SEMA5B: variants seen among roughly 807,000 people sequenced by gnomAD.
SEMA5B encodes the protein semaphorin-5B.
Under a neutral mutation model 135.0 loss-of-function variants are expected in SEMA5B, and 66 were observed. That is an observed-to-expected ratio of 0.49 (90% confidence interval 0.40 to 0.60). The LOEUF (loss-of-function observed/expected upper bound fraction) is 0.60. Among genes scored for constraint, SEMA5B ranks in the 20% least tolerant of loss-of-function variants. The probability of loss-of-function intolerance (pLI) is 0.00; values close to 1 mark genes in which losing one functional copy is unlikely to be tolerated. For missense variants in SEMA5B, 1,501 were observed against 1,566.3 expected (o/e 0.96, Z 0.70); for synonymous variants, 690 against 639.5 (o/e 1.08, Z -1.19).
chr3:122,914,066 G>A lies in SEMA5B; in HGVS notation c.1989-65C>T, dbSNP rs1292308730. 7 of 1,470,420 alleles carry A rather than the reference G, an allele frequency of 4.8e-6. No individual in the cohort carries two copies. The South Asian group carries it at 7.0e-5, about 15-fold the overall frequency. 91.1% of individuals were successfully genotyped at this position (1,470,420 alleles called of 1,614,324 possible). On this transcript the variant is annotated intron_variant, in intron 14 of 22. Transcript: ENST00000357599. ...AGCCCTAGCTTCTTAGATCTAGTCT[G>A]TCTCTGGGCCGATGTATTTTCTACT...
At chr3:122,962,390 C>G (rs1416821967) in intron 1 of SEMA5B, among the ~76,000 whole-genome samples, 2 of 152,122 alleles carry the variant, frequency 1.3e-5, no homozygotes, top group African/African-American at 2.4e-5. Flanking sequence ...TCGGGAAGCC[C>G]GACATGCAGG....
chr3:123,015,457 G>A (rs1942535460), intron 1 of SEMA5B, among the ~76,000 whole-genome samples: 1 of 152,180 alleles, frequency 6.6e-6, no homozygotes, highest in Admixed American at 6.5e-5. Flanking sequence ...CACCTGGAGG[G>A]CCATCTTTGG....
At chr3:122,935,312 G>A (rs1939206939) in intron 5 of SEMA5B, among the ~76,000 whole-genome samples, 1 of 152,136 alleles carries the variant, frequency 6.6e-6, no homozygotes, top group Non-Finnish European at 1.5e-5. Context: ...CTGGAAGTGG[G>A]GCTGGGGGAG....
At chr3:122,974,932 A>C (rs547188994) in intron 1 of SEMA5B, among the ~76,000 whole-genome samples, 7 of 152,154 alleles carry the variant, frequency 4.6e-5, no homozygotes, top group African/African-American at 1.7e-4. Context: ...CCCCACCCCC[A>C]GCTCTCCTTT....
chr3:123,013,473 T>C (rs1942483567), intron 1 of SEMA5B, among the ~76,000 whole-genome samples: 1 of 152,200 alleles, frequency 6.6e-6, no homozygotes, highest in African/African-American at 2.4e-5. Context: ...TCAATTCCCA[T>C]GACAACCTTC....
chr3:122,972,041 G>A (rs921253746), intron 1 of SEMA5B, among the ~76,000 whole-genome samples: 3 of 152,318 alleles, frequency 2.0e-5, no homozygotes, highest in East Asian at 1.9e-4. Flanking sequence ...TCCGCTGATC[G>A]ATCCACCATG....
chr3:123,024,428 AC>A (rs1441153661), intron 1 of SEMA5B, among the ~76,000 whole-genome samples: 1 of 152,234 alleles, frequency 6.6e-6, no homozygotes, highest in Non-Finnish European at 1.5e-5. Context: ...ATTAGATGAA[AC>A]AAAAAGTTAT....
chr3:122,930,097 C>T (rs945300453), intron 5 of SEMA5B, among the ~76,000 whole-genome samples: 3 of 152,208 alleles, frequency 2.0e-5, no homozygotes, highest in African/African-American at 7.2e-5. Flanking sequence ...AAAGAGCCCA[C>T]CTGCTTTTAA....
At chr3:122,932,985 G>T (rs1413474192) in intron 5 of SEMA5B, among the ~76,000 whole-genome samples, 1 of 152,126 alleles carries the variant, frequency 6.6e-6, no homozygotes, top group Non-Finnish European at 1.5e-5. Flanking sequence ...CTCCCAAAGT[G>T]CTGGGATTCT....
chr3:122,919,248 C>T (rs1938233958), intron 12 of SEMA5B, among the ~76,000 whole-genome samples: 1 of 152,054 alleles, frequency 6.6e-6, no homozygotes. Context: ...CAGGGGAGAT[C>T]TGTGAATGAG....
chr3:122,989,413 C>A (rs1941803270), intron 1 of SEMA5B, among the ~76,000 whole-genome samples: 1 of 152,184 alleles, frequency 6.6e-6, no homozygotes, highest in Non-Finnish European at 1.5e-5. Flanking sequence ...TGGCTCTGAA[C>A]CTTCCCCTCA....
In SEMA5B at chr3:122,955,947, A is replaced by G. The variant is rs73856767; in HGVS notation, c.124+5193T>C. ...AAAGCGGGGAGGAGGGAGGTTCACA[A>G]GACAAAACCATGGTCCTTGCCTTCA... On this transcript the variant is annotated intron_variant, in intron 2 of 22. Coordinates refer to ENST00000357599, the MANE Select transcript of SEMA5B (RefSeq NM_001031702.4). Among the ~76,000 whole-genome samples, 1,145 of 152,332 alleles carry G rather than the reference A, an allele frequency of 7.5e-3. 11 individuals carry two copies. The highest frequency in any genetic ancestry group is 0.026 in the African/African-American group (1,101 of 41,576).
At chr3:122,946,145 CA>C (rs1182005430) in intron 3 of SEMA5B, among the ~76,000 whole-genome samples, 2 of 152,174 alleles carry the variant, frequency 1.3e-5, no homozygotes, top group African/African-American at 2.4e-5. Context: ...ATAGTCAATT[CA>C]ATTACCCACC....
At chr3:122,993,736 GC>G (rs1941945972) in intron 1 of SEMA5B, among the ~76,000 whole-genome samples, 1 of 135,146 alleles carries the variant, frequency 7.4e-6, no homozygotes, top group African/African-American at 2.8e-5. Flanking sequence ...CTTCCTCCCC[GC>G]CCCCTTGCCA....
intron 1 of SEMA5B, among the ~76,000 whole-genome samples, chr3:122,979,182 G>A (rs969200883): frequency 6.6e-6 from 1 of 152,218 alleles, no homozygotes; most frequent in Non-Finnish European, 1.5e-5. Flanking sequence ...GAGAGAGGAT[G>A]ACCAGAGACA....
At chr3:122,935,948 C>T (rs1939257678) in intron 5 of SEMA5B, among the ~76,000 whole-genome samples, 1 of 152,116 alleles carries the variant, frequency 6.6e-6, no homozygotes, top group South Asian at 2.1e-4. Flanking sequence ...CTGCCTTGGG[C>T]TCCCAAAGTG....
chr3:122,911,108 C>A, intron 21 of SEMA5B, 63 bp from the exon 22 acceptor site: 1 of 1,394,312 alleles, frequency 7.2e-7, no homozygotes, highest in South Asian at 1.3e-5. Context: ...CTCCTGCCTG[C>A]CTCCCTGGGA....
intron 1 of SEMA5B, among the ~76,000 whole-genome samples, chr3:123,021,996 C>T (rs979049250): frequency 2.6e-5 from 4 of 152,090 alleles, no homozygotes; most frequent in African/African-American, 9.7e-5. Context: ...TCCTGAGACT[C>T]ACATTCCCCA....
At chr3:122,925,368 GA>G (rs34399891) in intron 9 of SEMA5B, among the ~76,000 whole-genome samples, 23,995 of 148,334 alleles carry the variant, frequency 0.16, 2,155 homozygotes, top group East Asian at 0.43. Context: ...TAGCTGATGA[GA>G]AAAAAAAAAA....
Sources: gnomAD v4.1 joint callset for allele counts (sites outside exome capture counted in the v4.1 genomes callset) on GRCh38, gnomAD v4.1.1 for gene constraint, MANE v1.5 for transcripts, NCBI Gene and HGNC (gene_info 2026-07-23, HGNC 2026-07-21) for gene names.